Variants in SLK observed in about 807,000 individuals in gnomAD.
SLK encodes the protein STE20-like serine/threonine-protein kinase.
Under a neutral mutation model 147.7 loss-of-function variants are expected in SLK, and 67 were observed. That is an observed-to-expected ratio of 0.45 (90% confidence interval 0.37 to 0.56). The LOEUF (loss-of-function observed/expected upper bound fraction) is 0.56. Ranked by LOEUF, SLK falls within the 20% of genes least tolerant of loss-of-function variation. The pLI, the probability that SLK is intolerant of heterozygous loss-of-function variation, is 0.00. For synonymous variants in SLK, 441 were observed against 475.0 expected, an observed-to-expected ratio of 0.93 and a Z score of 0.93; for missense variants, 1,136 against 1,438.8, an observed-to-expected ratio of 0.79 and a Z score of 3.41.
chr10:103,971,701 T>A (rs1290804495), intron 1 of SLK, among the ~76,000 whole-genome samples: 1 of 152,254 alleles, frequency 6.6e-6, no homozygotes, highest in Non-Finnish European at 1.5e-5. Flanking sequence ...GTGTGCTGGA[T>A]GAAAGTAGTT....
rs1364456561 is a variant in SLK at position 103,971,288 on chromosome 10, G to T, written c.150+3393G>T. Among the ~76,000 whole-genome samples, 9 of 151,586 alleles carry T rather than the reference G, an allele frequency of 5.9e-5. No homozygotes were observed. In the South Asian group the frequency reaches 1.9e-3, roughly 32 times the overall value. On this transcript the variant is annotated intron_variant, in intron 1 of 18. Transcript: ENST00000369755. ...TGTTGTTTTGTTTGTGTTTTGTTTT[G>T]TTTTGAGATGGAGTCCCTCTCTGTC...
chr10:104,004,575 A>C (rs765381770), intron 9 of SLK, among the ~76,000 whole-genome samples: 2 of 152,192 alleles, frequency 1.3e-5, no homozygotes, highest in Non-Finnish European at 2.9e-5. Context: ...GAAGAAGAGC[A>C]TGAGGATCCT....
At chr10:103,985,544 A>C (rs1160871609) in intron 1 of SLK, among the ~76,000 whole-genome samples, 1 of 151,642 alleles carries the variant, frequency 6.6e-6, no homozygotes, top group East Asian at 1.9e-4. Context: ...AATCAGTCCC[A>C]GTGATTATTT....
chr10:103,980,504 C>G (rs1347263482), intron 1 of SLK, among the ~76,000 whole-genome samples: 1 of 152,134 alleles, frequency 6.6e-6, no homozygotes, highest in Non-Finnish European at 1.5e-5. Flanking sequence ...CTTCCTTCCT[C>G]CTGCCCTAGG....
chr10:104,008,966 A>AT (rs1220620060), intron 12 of SLK, among the ~76,000 whole-genome samples: 1 of 152,178 alleles, frequency 6.6e-6, no homozygotes, highest in African/African-American at 2.4e-5. Context: ...GAAGTGGAAC[A>AT]TATCTGTAAA....
At chr10:104,006,128 C>A in intron 11 of SLK, 93 bp downstream of exon 11, 1 of 1,316,860 alleles carries the variant, frequency 7.6e-7, no homozygotes, top group African/African-American at 1.5e-5. Flanking sequence ...GGTTGTAGAA[C>A]TTGTTCTCTG....
At chr10:103,977,197 A>G (rs1843883151) in intron 1 of SLK, among the ~76,000 whole-genome samples, 1 of 151,958 alleles carries the variant, frequency 6.6e-6, no homozygotes, top group Admixed American at 6.5e-5. Context: ...CATTTATTTA[A>G]TTCTTTTTCC....
rs750708372 is a variant in SLK, at chr10:104,001,434, T to C, written c.865-10T>C. The C allele has an allele frequency of 5.0e-6, 8 of 1,611,200 alleles. No homozygotes were observed. The highest frequency in any genetic ancestry group is 3.3e-5 in the South Asian group (3 of 90,980). ...CAGTTGTTGAGTATGTTCTTTTTAA[T>C]GATCAACAGCATCCCTTTGTTACTG... On this transcript the variant is annotated splice_polypyrimidine_tract_variant and intron_variant, in intron 7 of 18. Transcript: ENST00000369755.
intron 1 of SLK, among the ~76,000 whole-genome samples, chr10:103,978,683 G>A (rs968023057): frequency 6.6e-6 from 1 of 152,020 alleles, no homozygotes; most frequent in East Asian, 1.9e-4. Flanking sequence ...TCTTACTAAC[G>A]TGTTTTTTAT....
chr10:104,015,248 T>G (rs1844447477), intron 13 of SLK, among the ~76,000 whole-genome samples: 1 of 152,244 alleles, frequency 6.6e-6, no homozygotes, highest in East Asian at 1.9e-4. Context: ...TGTTAGGACT[T>G]GTATACACTG....
rs142758845 is a variant in SLK, at chr10:103,989,016, A to G, written c.151-1659A>G. ...GTATATGAAGCCCTTAGCACAGTGC[A>G]TAGCCATAGCATGCATTAATTCATA... is the stretch of plus-strand genomic sequence containing the variant. On this transcript the variant is annotated intron_variant, in intron 1 of 18. Coordinates refer to ENST00000369755, the MANE Select transcript of SLK (RefSeq NM_014720.4). Among the ~76,000 whole-genome samples the G allele has an allele frequency of 9.1e-4, 138 of 152,348 alleles. 3 individuals carry two copies. The East Asian group carries it at 0.018, about 20-fold the overall frequency.
intron 1 of SLK, among the ~76,000 whole-genome samples, chr10:103,989,886 A>T (rs967414942): frequency 2.2e-4 from 34 of 152,230 alleles, no homozygotes; most frequent in African/African-American, 6.3e-4. Context: ...ACCCGCACAT[A>T]CATGTTTATA....
In SLK at chr10:103,986,783, A is replaced by G. The variant is rs188580051; in HGVS notation, c.151-3892A>G. Among the ~76,000 whole-genome samples the G allele has an allele frequency of 1.6e-3, 234 of 150,246 alleles. 1 individual carries two copies. Among genetic ancestry groups the G allele is most frequent in the African/African-American group, 5.5e-3 (224 of 40,696 alleles). On this transcript the variant is annotated intron_variant, in intron 1 of 18. Transcript: ENST00000369755. Reference sequence around the variant, plus strand: ...AACCTCTATCTCCTGGGTTCAAGCAATTCTGCTGCCTCAGGCTCCCAAGTA... The same window carrying G: ...AACCTCTATCTCCTGGGTTCAAGCAGTTCTGCTGCCTCAGGCTCCCAAGTA...
At chr10:103,986,966 A>T (rs1030540763) in intron 1 of SLK, among the ~76,000 whole-genome samples, 1 of 152,116 alleles carries the variant, frequency 6.6e-6, no homozygotes, top group Admixed American at 6.5e-5. Flanking sequence ...ATGAGCCACC[A>T]CGCCTGGCCT....
chr10:103,989,464 C>CTTCTTTT (rs1844060541), intron 1 of SLK, among the ~76,000 whole-genome samples: 15 of 78,618 alleles, frequency 1.9e-4, no homozygotes, highest in Non-Finnish European at 3.3e-4. Flanking sequence ...GTGGCAGTTT[C>CTTCTTTT]TTTTTTTTTT....
intron 16 of SLK, 22 bp downstream of exon 16, chr10:104,019,944 T>A (rs762144893): frequency 1.9e-6 from 3 of 1,581,932 alleles, no homozygotes; most frequent in Non-Finnish European, 2.6e-6. Flanking sequence ...AGTTAGTCTC[T>A]TCTCTTTTAG....
Position 104,010,900 on chromosome 10 carries a change from C to A in SLK, c.2869C>A (p.His957Asn), listed in dbSNP as rs1844391355. Residue 957 changes from histidine (H) to asparagine (N), a missense_variant, in exon 13 of 19, where the codon CAT becomes AAT. His to Asn is a moderately conservative substitution (Grantham distance 68). Transcript: ENST00000369755. ...GAAAGAGGAGCTTGCACAAAGCCAG[C>A]ATGCTCAGGTAACAGCAGCAGCTTA... ...RRKEELAQSQ[H>N]AQEQEFVQKQ... The A allele has an allele frequency of 1.3e-6, 2 of 1,578,990 alleles. No homozygotes were observed. Among genetic ancestry groups the A allele is most frequent in the Non-Finnish European group, 1.7e-6 (2 of 1,168,740 alleles).
intron 1 of SLK, among the ~76,000 whole-genome samples, chr10:103,976,980 C>G (rs1843880353): frequency 6.6e-6 from 1 of 152,120 alleles, no homozygotes; most frequent in African/African-American, 2.4e-5. Context: ...AGGATGCATC[C>G]CTGACCCTAC....
rs777037159 is a variant in SLK, at chr10:103,999,349, AATG to A, written c.782+39_782+41del. ...TCTTAAAAAAGCTTAATAAGAAACA[AATG>A]ATACTAGGAAGCAGAACTTGATGTT... On this transcript the variant is annotated intron_variant, in intron 6 of 18. Transcript: ENST00000369755. 6.0e-5 allele frequency: 87 copies of A among 1,441,448 alleles called. No homozygotes were observed. The Middle Eastern group carries it at 1.1e-3, about 18-fold the overall frequency. The allele number at this position is 1,441,448 out of a possible 1,614,324, so 89.3% of individuals were successfully genotyped here. A position where few individuals can be genotyped will look rare whatever the true frequency, so the allele number is the denominator to read the frequency against.
Sources: allele counts gnomAD v4.1 joint callset (sites outside exome capture counted in the v4.1 genomes callset), GRCh38; gene constraint gnomAD v4.1.1; transcripts MANE v1.5; gene names NCBI Gene and HGNC (gene_info 2026-07-23, HGNC 2026-07-21).